Variants in PLCB3 observed in about 807,000 individuals in gnomAD.
The protein encoded by PLCB3 is 1-phosphatidylinositol 4,5-bisphosphate phosphodiesterase beta-3.
Under a neutral mutation model 152.1 loss-of-function variants are expected in PLCB3, and 54 were observed. That is an observed-to-expected ratio of 0.36 (90% CI 0.29 to 0.45). The LOEUF (loss-of-function observed/expected upper bound fraction) is 0.45, where lower values mean the gene tolerates loss of function less well. Ranked by LOEUF, PLCB3 falls within the 20% of genes least tolerant of loss-of-function variation. The probability of loss-of-function intolerance (pLI) is 1.00; values close to 1 mark genes in which losing one functional copy is unlikely to be tolerated. For synonymous variants in PLCB3, 717 were observed against 698.7 expected (o/e 1.03, Z -0.41); for missense variants, 1,248 against 1,687.5 (o/e 0.74, Z 4.56).
At chr11:64,262,113 C>A in intron 17 of PLCB3, 37 bp downstream of exon 17, 1 of 1,613,376 alleles carries the variant, frequency 6.2e-7, no homozygotes, top group East Asian at 2.2e-5. Context: ...CCCCGACCCT[C>A]AGTCTTACTG....
chr11:64,264,117 G>T lies in PLCB3; in HGVS notation c.2652+5G>T. On this transcript the variant is annotated splice_donor_5th_base_variant and intron_variant, in intron 22 of 30. Transcript: ENST00000279230. ...GCCCTCATTGGGGAGAGTGAGGTGA[G>T]CCGGGGCAGGGCAGGGCTCAGGCTC... is the stretch of plus-strand genomic sequence containing the variant. 6.6e-7 allele frequency: 1 copy of T among 1,526,254 alleles called. No homozygotes were observed. Among genetic ancestry groups the T allele is most frequent in the Non-Finnish European group, 8.8e-7 (1 of 1,138,424 alleles). 94.5% of individuals were successfully genotyped at this position (1,526,254 alleles called of 1,614,324 possible).
intron 3 of PLCB3, 35 bp downstream of exon 3, chr11:64,254,851 A>T: frequency 6.2e-7 from 1 of 1,613,768 alleles, no homozygotes; most frequent in Non-Finnish European, 8.5e-7. Flanking sequence ...GACCACAGCG[A>T]GGCTGTGCGG....
intron 21 of PLCB3, 50 bp from the exon 22 acceptor site, chr11:64,263,971 G>A (rs775064603): frequency 7.0e-7 from 1 of 1,422,948 alleles, no homozygotes; most frequent in Non-Finnish European, 9.7e-7. Context: ...GCGGGTGGGG[G>A]TGGCCTGGGG....
In PLCB3 at chr11:64,264,131, G is replaced by GGGCTC; in HGVS notation, c.2652+20_2652+24dup. 2 of 1,493,868 alleles carry GGGCTC rather than the reference G, an allele frequency of 1.3e-6. No homozygotes were observed. The highest frequency in any genetic ancestry group is 9.0e-7 in the Non-Finnish European group (1 of 1,114,028). The allele number at this position is 1,493,868 out of a possible 1,614,324, so 92.5% of individuals were successfully genotyped here. A position where few individuals can be genotyped will look rare whatever the true frequency, so the allele number is the denominator to read the frequency against. The stretch of plus-strand genomic sequence containing the variant: ...GAGTGAGGTGAGCCGGGGCAGGGCA[G>GGGCTC]GGCTCAGGCTCACTGTGACCCAGGG... On this transcript the variant is annotated intron_variant, in intron 22 of 30. Coordinates refer to ENST00000279230, the MANE Select transcript of PLCB3 (RefSeq NM_000932.5).
chr11:64,258,853 G>A lies in PLCB3; in HGVS notation c.1254-32G>A, dbSNP rs777221475. 3 of 1,612,290 alleles carry A rather than the reference G, an allele frequency of 1.9e-6. No homozygotes were observed. The highest frequency in any genetic ancestry group is 8.5e-7 in the Non-Finnish European group (1 of 1,178,530). On this transcript the variant is annotated intron_variant, in intron 11 of 30. Coordinates refer to ENST00000279230, the MANE Select transcript of PLCB3 (RefSeq NM_000932.5). The surrounding 1 kb of genome is among the most constrained non-coding windows in gnomAD (Gnocchi z 7.2). ...AGACCTCAGCTTCCTCTCTGGGGGA[G>A]GGATCTCTGACCTCTGACCTCGGTT...
Position 64,266,417 on chromosome 11 carries a change from G to A in PLCB3, c.3356+13G>A, listed in dbSNP as rs777120060. 2 of 1,601,832 alleles carry A rather than the reference G, an allele frequency of 1.2e-6. No individual in the cohort carries two copies. The highest frequency in any genetic ancestry group is 1.7e-6 in the Non-Finnish European group (2 of 1,168,994). On this transcript the variant is annotated intron_variant, in intron 28 of 30. Coordinates refer to ENST00000279230, the MANE Select transcript of PLCB3 (RefSeq NM_000932.5). The surrounding 1 kb of genome is among the most constrained non-coding windows in gnomAD (Gnocchi z 4.9). ...ATAAGAAGGAGGCGTAAGGGCACCG[G>A]GACCGGGGGCCATCTGGGTACTGGG...
In PLCB3 at chr11:64,260,026, C is replaced by T. The variant is rs1332637809; in HGVS notation, c.1526-3C>T. 2 of 1,609,774 alleles carry T rather than the reference C, an allele frequency of 1.2e-6. No homozygotes were observed. On this transcript the variant is annotated splice_polypyrimidine_tract_variant and splice_region_variant and intron_variant, in intron 13 of 30. Coordinates refer to ENST00000279230, the MANE Select transcript of PLCB3 (RefSeq NM_000932.5). ...CCTCACCCTGTGGCCCTGTCCTCTG[C>T]AGGGTCTCCCAGCTCTGACAGCTGC... is the stretch of plus-strand genomic sequence containing the variant.
At chr11:64,257,750 C>G (rs1357985994) in intron 10 of PLCB3, among the ~76,000 whole-genome samples, 1 of 152,066 alleles carries the variant, frequency 6.6e-6, no homozygotes, top group African/African-American at 2.4e-5. Flanking sequence ...CCTAGAGGCA[C>G]TTGGATTCAT....
intron 14 of PLCB3, 124 bp from the exon 15 acceptor site, chr11:64,261,276 G>T: frequency 1.3e-6 from 1 of 746,722 alleles, no homozygotes. Flanking sequence ...GAAGACTGTC[G>T]GCACCACCAG....
At position 64,258,153 on chromosome 11, in the gene PLCB3, CAAAAAA is replaced by C. The variant is rs34969821; in HGVS notation, c.1013-309_1013-304del. Among the ~76,000 whole-genome samples the C allele has an allele frequency of 1.0e-5, 1 of 99,046 alleles. No homozygotes were observed. 65.0% of individuals were successfully genotyped at this position (99,046 alleles called of 152,430 possible). ...TGGGTGACAGAGCGAGGTTCCGTCT[CAAAAAA>C]AAAAAAAAAAGAGATTGGATTGGAG... On this transcript the variant is annotated intron_variant, in intron 10 of 30. Coordinates refer to ENST00000279230, the MANE Select transcript of PLCB3 (RefSeq NM_000932.5). The surrounding 1 kb of genome is among the most constrained non-coding windows in gnomAD (Gnocchi z 7.2).
rs774904091 is a variant in PLCB3 at position 64,267,471 on chromosome 11, G to C, written c.3620G>C (p.Cys1207Ser). The C allele has an allele frequency of 2.1e-5, 33 of 1,563,288 alleles. No homozygotes were observed. Among genetic ancestry groups the C allele is most frequent in the Non-Finnish European group, 2.8e-5 (32 of 1,158,456 alleles). The change falls in exon 31 of 31, where the codon TGT (cysteine) becomes TCT (serine). Residue 1207 changes from cysteine to serine, a missense_variant. This residue lies in a region of PLCB3 where 477 missense variants were observed against 489.6 expected (regional missense o/e 0.97). Coordinates refer to ENST00000279230, the MANE Select transcript of PLCB3 (RefSeq NM_000932.5). The surrounding 1 kb of genome is among the most constrained non-coding windows in gnomAD (Gnocchi z 5.2). Reference sequence around the variant, plus strand: ...CTGGGGGACGGGCCTCTGGTGGCCTGTGCCAGCAACGGTCACGCACCCGGG... The same window carrying C: ...CTGGGGGACGGGCCTCTGGTGGCCTCTGCCAGCAACGGTCACGCACCCGGG... Reference protein sequence around the residue: ...EGLGDGPLVACASNGHAPGSS... With the variant: ...EGLGDGPLVASASNGHAPGSS...
chr11:64,266,694 C>A lies in PLCB3; in HGVS notation c.3414+142C>A. ...AAGTGCCCAACAGCCCCAGGGTACC[C>A]ACATCATACCCAAAGCCAACTGTCT... On this transcript the variant is annotated intron_variant, in intron 29 of 30. Coordinates refer to ENST00000279230, the MANE Select transcript of PLCB3 (RefSeq NM_000932.5). This position sits in a 1 kb window ranked among gnomAD's most constrained non-coding sequence, Gnocchi z 4.9. 1.3e-6 allele frequency: 1 copy of A among 766,082 alleles called. No individual in the cohort carries two copies. Among genetic ancestry groups the A allele is most frequent in the Admixed American group, 2.1e-5 (1 of 46,780 alleles). The allele number at this position is 766,082 out of a possible 1,614,324, so 47.5% of individuals were successfully genotyped here.
intron 19 of PLCB3, chr11:64,263,237 C>T: frequency 1.8e-6 from 1 of 554,606 alleles, no homozygotes; most frequent in Non-Finnish European, 3.2e-6. Flanking sequence ...CTGGCAATGA[C>T]CAGAACTGTC....
chr11:64,267,598 G>A lies in PLCB3; in HGVS notation c.*42G>A. On this transcript the variant is annotated 3_prime_UTR_variant, in exon 31 of 31. Transcript: ENST00000279230. The surrounding 1 kb of genome is among the most constrained non-coding windows in gnomAD (Gnocchi z 5.2). ...GGCCACAGGGCCAGGGCGGGCGCTG[G>A]GTGGAGGGCAGGAGGCAATGACACT... 7.0e-7 allele frequency: 1 copy of A among 1,427,858 alleles called. No homozygotes were observed. The highest frequency in any genetic ancestry group is 9.5e-7 in the Non-Finnish European group (1 of 1,051,360). 88.4% of individuals were successfully genotyped at this position (1,427,858 alleles called of 1,614,324 possible). A position where few individuals can be genotyped will look rare whatever the true frequency, so the allele number is the denominator to read the frequency against.
At chr11:64,261,553 T>TGAC in intron 15 of PLCB3, 28 bp from the exon 16 acceptor site, 1 of 1,613,356 alleles carries the variant, frequency 6.2e-7, no homozygotes, top group Non-Finnish European at 8.5e-7. Context: ...CTGCCAGGTC[T>TGAC]GACGCCCTTT....
Position 64,267,517 on chromosome 11 carries a change from C to T in PLCB3, c.3666C>T (p.Gly1222=), listed in dbSNP as rs1203949053. The part of the protein sequence containing the change: ...HAPGSSGHLS[G]ADSESQEENT... Reference sequence around the variant, plus strand: ...CCGGGAGCAGCGGGCACCTGTCGGGCGCTGACTCGGAGAGCCAGGAGGAGA... The same window carrying T: ...CCGGGAGCAGCGGGCACCTGTCGGGTGCTGACTCGGAGAGCCAGGAGGAGA... The change falls in exon 31 of 31, where the codon GGC becomes GGT. Residue 1222 remains glycine (G), a synonymous_variant. Coordinates refer to ENST00000279230, the MANE Select transcript of PLCB3 (RefSeq NM_000932.5). This position sits in a 1 kb window ranked among gnomAD's most constrained non-coding sequence, Gnocchi z 5.2. 1.9e-6 allele frequency: 3 copies of T among 1,568,718 alleles called. No homozygotes were observed. The highest frequency in any genetic ancestry group is 1.2e-5 in the South Asian group (1 of 86,116).
At chr11:64,264,809 C>G in intron 22 of PLCB3, 142 bp from the exon 23 acceptor site, 1 of 712,072 alleles carries the variant, frequency 1.4e-6, no homozygotes, top group South Asian at 1.7e-5. Context: ...ATGCAGACAG[C>G]CTCCTGTTAC....
rs1394452710 is a variant in PLCB3, at chr11:64,267,040, C to T, written c.3415-145C>T. 2.7e-5 allele frequency: 18 copies of T among 662,384 alleles called. No homozygotes were observed. The highest frequency in any genetic ancestry group is 4.1e-4 in the Middle Eastern group (1 of 2,438). 41.0% of individuals were successfully genotyped at this position (662,384 alleles called of 1,614,324 possible). A position where few individuals can be genotyped will look rare whatever the true frequency, so the allele number is the denominator to read the frequency against. Reference sequence around the variant, plus strand: ...AACTCCTGACCTCAGGTGATCCGCCCGCCTTGGCCTCCCAAAGTGCTGGGA... The same window carrying T: ...AACTCCTGACCTCAGGTGATCCGCCTGCCTTGGCCTCCCAAAGTGCTGGGA... On this transcript the variant is annotated intron_variant, in intron 29 of 30. Coordinates refer to ENST00000279230, the MANE Select transcript of PLCB3 (RefSeq NM_000932.5). This position sits in a 1 kb window ranked among gnomAD's most constrained non-coding sequence, Gnocchi z 5.2.
In PLCB3 at chr11:64,259,261, C is replaced by T. The variant is rs1743584917; in HGVS notation, c.1525+17C>T. The T allele has an allele frequency of 5.4e-6, 8 of 1,491,480 alleles. No homozygotes were observed. Among genetic ancestry groups the T allele is most frequent in the Non-Finnish European group, 7.1e-6 (8 of 1,119,126 alleles). The allele number at this position is 1,491,480 out of a possible 1,614,324, so 92.4% of individuals were successfully genotyped here. On this transcript the variant is annotated intron_variant, in intron 13 of 30. Transcript: ENST00000279230. Reference sequence around the variant, plus strand: ...CGCAGCTGGGTAGGCCCCAGCCCGGCCCGCCACCCTGACTTGACCCTAGCC... The same window carrying T: ...CGCAGCTGGGTAGGCCCCAGCCCGGTCCGCCACCCTGACTTGACCCTAGCC...
Sources: gnomAD v4.1 joint callset for allele counts (sites outside exome capture counted in the v4.1 genomes callset) on GRCh38, gnomAD v4.1.1 for gene constraint, gnomAD v4.1.1 regional missense constraint, Gnocchi (gnomAD v3.1) non-coding constraint, MANE v1.5 for transcripts, NCBI Gene and HGNC (gene_info 2026-07-23, HGNC 2026-07-21) for gene names.